Variants in RHOBTB3 observed in about 807,000 individuals in gnomAD.
RHOBTB3 encodes the protein Rho related BTB domain containing 3.
In RHOBTB3, 47 loss-of-function variants were observed where a neutral mutation model predicts 67.2. The ratio of observed to expected loss-of-function variants is 0.70; its 90% CI spans 0.55 to 0.89. The LOEUF is 0.89. RHOBTB3 is among the 40% of genes least tolerant of loss of function. RHOBTB3 has a pLI of 0.00. For missense variants in RHOBTB3, 631 were observed against 750.0 expected, an observed-to-expected ratio of 0.84 and a Z score of 1.85; for synonymous variants, 273 against 274.2, an observed-to-expected ratio of 1.00 and a Z score of 0.04.
chr5:95,731,524 C>CCGGCCCCGCTCTGCGT lies in RHOBTB3; in HGVS notation c.-149_-134dup, dbSNP rs1307257240. 1.7e-5 allele frequency: 22 copies of CCGGCCCCGCTCTGCGT among 1,300,486 alleles called. No homozygotes were observed. In the South Asian group the frequency reaches 2.1e-4, roughly 13 times the overall value. The allele number at this position is 1,300,486 out of a possible 1,614,324, so 80.6% of individuals were successfully genotyped here. A position where few individuals can be genotyped will look rare whatever the true frequency, so the allele number is the denominator to read the frequency against. On this transcript the variant is annotated 5_prime_UTR_variant, in exon 1 of 12. Transcript: ENST00000379982. ...GGCTCGCTCGCTGGCTGGCGCGGCCCCGGCCCCGCTCTGCGTCGGCCCCGC... is the reference window on the plus strand; with the variant it reads ...GGCTCGCTCGCTGGCTGGCGCGGCCCCGGCCCCGCTCTGCGTCGGCCCCGCTCTGCGTCGGCCCCGC...
chr5:95,721,888 A>T (rs977782281), intron 1 of RHOBTB3, among the ~76,000 whole-genome samples: 5 of 152,220 alleles, frequency 3.3e-5, no homozygotes, highest in Non-Finnish European at 7.3e-5. Context: ...AGAACTGCCA[A>T]CCTAATATAT....
intron 8 of RHOBTB3, chr5:95,769,735 G>A (rs563862050): frequency 5.5e-6 from 1 of 180,458 alleles, no homozygotes; most frequent in Non-Finnish European, 1.2e-5. Context: ...ACATCAGAAG[G>A]TCAACAACAT....
chr5:95,773,887 C>G (rs891500334), intron 8 of RHOBTB3, among the ~76,000 whole-genome samples: 3 of 152,082 alleles, frequency 2.0e-5, no homozygotes, highest in Non-Finnish European at 2.9e-5. Context: ...TGGAATTCTT[C>G]CAAAATGTAT....
chr5:95,753,233 ATGTGTGTGTG>A (rs57615515), intron 5 of RHOBTB3, among the ~76,000 whole-genome samples: 49 of 146,574 alleles, frequency 3.3e-4, no homozygotes, highest in African/African-American at 7.9e-4. Flanking sequence ...TGATGTGTGG[ATGTGTGTGTG>A]TGTGTGTGTG....
At chr5:95,722,292 A>G (rs1754908443) in intron 1 of RHOBTB3, among the ~76,000 whole-genome samples, 1 of 152,182 alleles carries the variant, frequency 6.6e-6, no homozygotes, top group African/African-American at 2.4e-5. Context: ...CTATTTTTTA[A>G]TATATTAGAG....
chr5:95,753,746 A>G (rs1745160617), intron 5 of RHOBTB3, among the ~76,000 whole-genome samples: 1 of 152,212 alleles, frequency 6.6e-6, no homozygotes, highest in Admixed American at 6.5e-5. Context: ...CTTAGTTCTT[A>G]TTAATCAAGA....
At chr5:95,766,833 C>G (rs1745558352) in intron 7 of RHOBTB3, among the ~76,000 whole-genome samples, 1 of 152,060 alleles carries the variant, frequency 6.6e-6, no homozygotes, top group Admixed American at 6.6e-5. Context: ...TCCGGAACGC[C>G]AGATCAAAAA....
intron 3 of RHOBTB3, among the ~76,000 whole-genome samples, chr5:95,741,907 T>G (rs372149619): frequency 1.5e-4 from 23 of 152,344 alleles, no homozygotes; most frequent in Middle Eastern, 3.4e-3. Context: ...TTATTATGAT[T>G]CATGGATTTC....
chr5:95,764,561 T>G (rs1157126382), intron 7 of RHOBTB3, among the ~76,000 whole-genome samples: 1 of 152,234 alleles, frequency 6.6e-6, no homozygotes, highest in African/African-American at 2.4e-5. Flanking sequence ...CTTTAAGACA[T>G]TACACAATTT....
intron 9 of RHOBTB3, among the ~76,000 whole-genome samples, chr5:95,782,973 G>C (rs74798753): frequency 0.072 from 10,863 of 151,458 alleles, 529 homozygotes; most frequent in Middle Eastern, 0.15. Context: ...AGATTTACCA[G>C]ATAGTCCTGG....
intron 8 of RHOBTB3, among the ~76,000 whole-genome samples, chr5:95,772,656 G>T (rs760391267): frequency 1.4e-4 from 22 of 152,084 alleles, no homozygotes; most frequent in Admixed American, 1.0e-3. Flanking sequence ...ATTCCTGGTC[G>T]CAGGAGGAAA....
intron 6 of RHOBTB3, among the ~76,000 whole-genome samples, chr5:95,760,787 T>C (rs559116667): frequency 6.6e-6 from 1 of 152,332 alleles, no homozygotes; most frequent in East Asian, 1.9e-4. Context: ...GTGCCTATTG[T>C]TAATGATATC....
In RHOBTB3 at chr5:95,796,140, T is replaced by C. The variant is rs181651981; in HGVS notation, c.*2966T>C. The C allele has an allele frequency of 5.3e-5, 8 of 152,340 alleles. No homozygotes were observed. The East Asian group carries it at 1.5e-3, about 29-fold the overall frequency. The allele number at this position is 152,340 out of a possible 1,614,324, so 9.4% of individuals were successfully genotyped here. The stretch of plus-strand genomic sequence containing the variant: ...AATTTGACTTCCAAGACAGCTAAAC[T>C]TTTCAACTGCAATTTTAAAAACTAC... On this transcript the variant is annotated 3_prime_UTR_variant, in exon 12 of 12. Coordinates refer to ENST00000379982, the MANE Select transcript of RHOBTB3 (RefSeq NM_014899.4).
chr5:95,782,269 G>T (rs957859426), intron 9 of RHOBTB3: 5 of 152,124 alleles, frequency 3.3e-5, no homozygotes, highest in Non-Finnish European at 7.4e-5. Flanking sequence ...ACAAAAGAAT[G>T]TAAGAATGTA....
At chr5:95,753,740 G>T (rs1745160425) in intron 5 of RHOBTB3, among the ~76,000 whole-genome samples, 1 of 152,174 alleles carries the variant, frequency 6.6e-6, no homozygotes, top group South Asian at 2.1e-4. Context: ...TTAGTTCTTA[G>T]TTCTTATTAA....
At chr5:95,746,353 C>G (rs2112788737) in intron 3 of RHOBTB3, among the ~76,000 whole-genome samples, 1 of 152,186 alleles carries the variant, frequency 6.6e-6, no homozygotes, top group East Asian at 1.9e-4. Context: ...TCTGGCTACC[C>G]ACTCCATTCC....
rs751088853 is a variant in RHOBTB3 at position 95,724,626 on chromosome 5, C to T, written n.133+6861C>T. On this transcript the variant is annotated intron_variant and non_coding_transcript_variant, in intron 1 of 5. Coordinates refer to the RHOBTB3 transcript ENST00000504949. ...GATTACAAGCTCCCACCACCACGCC[C>T]GGCTAATTTTTGTATTTTTAGTAGA... is the stretch of plus-strand genomic sequence containing the variant. Among the ~76,000 whole-genome samples, 79 of 152,248 alleles carry T rather than the reference C, an allele frequency of 5.2e-4. 1 individual carries two copies. The highest frequency in any genetic ancestry group is 3.1e-3 in the Admixed American group (48 of 15,286).
At chr5:95,772,158 A>G (rs1200366904) in intron 8 of RHOBTB3, among the ~76,000 whole-genome samples, 1 of 152,168 alleles carries the variant, frequency 6.6e-6, no homozygotes, top group African/African-American at 2.4e-5. Flanking sequence ...CATTCCAGTG[A>G]CCATTATAAC....
intron 3 of RHOBTB3, among the ~76,000 whole-genome samples, chr5:95,741,647 C>A (rs1580399070): frequency 1.3e-5 from 2 of 150,392 alleles, no homozygotes; most frequent in South Asian, 2.1e-4. Flanking sequence ...GCATGCATGA[C>A]CACATCTGCC....
Sources: allele counts gnomAD v4.1 joint callset (sites outside exome capture counted in the v4.1 genomes callset), GRCh38; gene constraint gnomAD v4.1.1; transcripts MANE v1.5; gene names NCBI Gene and HGNC (gene_info 2026-07-23, HGNC 2026-07-21).